ENTPD7: variants seen among roughly 807,000 people sequenced by gnomAD.
ENTPD7 encodes ectonucleoside triphosphate diphosphohydrolase 7.
ENTPD7 carries 53 observed loss-of-function variants against 77.9 expected under a neutral mutation model. That is an observed-to-expected ratio of 0.68 (90% confidence interval 0.55 to 0.85). The LOEUF (loss-of-function observed/expected upper bound fraction) is 0.85, where lower values mean the gene tolerates loss of function less well. Among genes scored for constraint, ENTPD7 ranks in the 40% least tolerant of loss-of-function variants. The pLI, the probability that ENTPD7 is intolerant of heterozygous loss-of-function variation, is 0.00. For missense variants in ENTPD7, 636 were observed against 743.7 expected (o/e 0.86, Z 1.68); for synonymous variants, 248 against 274.9 (o/e 0.90, Z 0.97).
Position 99,704,716 on chromosome 10 carries a change from C to T in ENTPD7, c.*33C>T, listed in dbSNP as rs922977439. On this transcript the variant is annotated 3_prime_UTR_variant, in exon 13 of 13. Coordinates refer to ENST00000370489, the MANE Select transcript of ENTPD7 (RefSeq NM_020354.5). The stretch of plus-strand genomic sequence containing the variant: ...CCAGGACTAGAGAAGCTTGAGCACC[C>T]CCGAGTTGCTGCTCATTGAATTCCT... 3.2e-6 allele frequency: 5 copies of T among 1,573,782 alleles called. No individual in the cohort carries two copies. The highest frequency in any genetic ancestry group is 1.8e-5 in the Admixed American group (1 of 55,720).
At chr10:99,687,263 T>C (rs113879999) in intron 6 of ENTPD7, among the ~76,000 whole-genome samples, 1 of 4,066 alleles carries the variant, frequency 2.5e-4, no homozygotes, top group African/African-American at 4.7e-4. Flanking sequence ...TTCTTTCTTT[T>C]TTTTTTTTTT....
rs2036341310 is a variant in ENTPD7, at chr10:99,710,351, T to C, written c.*5668T>C. 1.0e-6 allele frequency: 1 copy of C among 985,346 alleles called. No individual in the cohort carries two copies. Among genetic ancestry groups the C allele is most frequent in the Non-Finnish European group, 1.2e-6 (1 of 829,944 alleles). 61.0% of individuals were successfully genotyped at this position (985,346 alleles called of 1,614,324 possible). On this transcript the variant is annotated 3_prime_UTR_variant, in exon 13 of 13. Coordinates refer to ENST00000370489, the MANE Select transcript of ENTPD7 (RefSeq NM_020354.5). ...TTCTCATTCCACAATTACCCTTTAG[T>C]TGAAGTCCTGAAGTACATGCCATGT...
At chr10:99,673,059 C>T (rs1456556970) in intron 3 of ENTPD7, among the ~76,000 whole-genome samples, 1 of 152,156 alleles carries the variant, frequency 6.6e-6, no homozygotes, top group East Asian at 1.9e-4. Context: ...TTCATTGACT[C>T]AGCAGTGACT....
At position 99,685,885 on chromosome 10, in the gene ENTPD7, GA is replaced by G; in HGVS notation, c.644del (p.Lys215SerfsTer40). On this transcript the variant is annotated frameshift_variant, in exon 6 of 13. Coordinates refer to ENST00000370489, the MANE Select transcript of ENTPD7 (RefSeq NM_020354.5). LOFTEE classifies it high-confidence loss of function. ...SQSQAEVISGKQEGVYAWIGI... is the reference protein window; with the variant it reads ...SQSQAEVISGXQEGVYAWIGI... The stretch of plus-strand genomic sequence containing the variant: ...AGTCTCAAGCAGAAGTGATCTCTGG[GA>G]AGCAGGAAGGTACTGGGCCTTAAGG... The G allele has an allele frequency of 6.2e-7, 1 of 1,613,324 alleles. No homozygotes were observed. The highest frequency in any genetic ancestry group is 1.1e-5 in the South Asian group (1 of 91,018).
chr10:99,690,357 T>C (rs1191908181), intron 7 of ENTPD7, among the ~76,000 whole-genome samples: 1 of 152,218 alleles, frequency 6.6e-6, no homozygotes, highest in Non-Finnish European at 1.5e-5. Flanking sequence ...CTAGGAAATA[T>C]GTATTTTTTA....
At chr10:99,679,114 T>C (rs1041790366) in intron 3 of ENTPD7, 147 bp from the exon 4 acceptor site, 4 of 690,030 alleles carry the variant, frequency 5.8e-6, no homozygotes, top group South Asian at 4.0e-5. Flanking sequence ...TCTGTCAATA[T>C]TGCTTCACTC....
rs550405040 is a variant in ENTPD7 at position 99,676,791 on chromosome 10, C to T, written c.192-2470C>T. Among the ~76,000 whole-genome samples the T allele has an allele frequency of 5.9e-5, 9 of 152,252 alleles. No individual in the cohort carries two copies. The East Asian group carries it at 1.4e-3, about 23-fold the overall frequency. ...TGGAATCTTTAGCATTAGAAACTTT[C>T]TGTTATGTAACAGATTTTTACCATC... On this transcript the variant is annotated intron_variant, in intron 3 of 12. Transcript: ENST00000370489.
At chr10:99,696,722 T>C (rs923545148) in intron 9 of ENTPD7, among the ~76,000 whole-genome samples, 4 of 152,244 alleles carry the variant, frequency 2.6e-5, no homozygotes, top group African/African-American at 9.6e-5. Context: ...CTTTTTTGTT[T>C]TTTAAGTCTG....
chr10:99,686,991 T>A (rs892364780), intron 6 of ENTPD7, among the ~76,000 whole-genome samples: 1 of 150,020 alleles, frequency 6.7e-6, no homozygotes, highest in Non-Finnish European at 1.5e-5. Flanking sequence ...GATCTCTGCT[T>A]ACTGCAATCT....
Position 99,704,517 on chromosome 10 carries a change from A to G in ENTPD7, c.1649A>G (p.Asn550Ser). 6.2e-7 allele frequency: 1 copy of G among 1,614,092 alleles called. No homozygotes were observed. Among genetic ancestry groups the G allele is most frequent in the Non-Finnish European group, 8.5e-7 (1 of 1,180,028 alleles). ...TGGTTCCGTCTCTCCTTTGTATACAACCACTATCTCTTCTTTGCCTGTATC... is the reference window on the plus strand; with the variant it reads ...TGGTTCCGTCTCTCCTTTGTATACAGCCACTATCTCTTCTTTGCCTGTATC... ...GSWFRLSFVY[N>S]HYLFFACILV... The change falls in exon 13 of 13, where the codon AAC becomes AGC. Residue 550 changes from asparagine to serine, a missense_variant. Asn to Ser is a conservative substitution (Grantham distance 46). This residue lies in a region of ENTPD7 where 138 missense variants were observed against 150.9 expected (regional missense o/e 0.91). Coordinates refer to ENST00000370489, the MANE Select transcript of ENTPD7 (RefSeq NM_020354.5).
intron 3 of ENTPD7, among the ~76,000 whole-genome samples, chr10:99,667,908 T>G (rs2035570114): frequency 6.6e-6 from 1 of 151,676 alleles, no homozygotes; most frequent in Admixed American, 6.6e-5. Flanking sequence ...GTCTAAAAAT[T>G]TATGTTAATG....
chr10:99,687,251 C>CTT (rs1413498710), intron 6 of ENTPD7, among the ~76,000 whole-genome samples: 10 of 23,766 alleles, frequency 4.2e-4, no homozygotes, highest in Non-Finnish European at 9.1e-4. Flanking sequence ...TTCTTTCTTT[C>CTT]TTTCTTTCTT....
intron 3 of ENTPD7, among the ~76,000 whole-genome samples, chr10:99,665,653 A>G (rs960145588): frequency 3.3e-5 from 5 of 152,012 alleles, no homozygotes; most frequent in Non-Finnish European, 7.4e-5. Flanking sequence ...GCCTTCTTCT[A>G]GCAGCCCAAT....
At chr10:99,671,143 AT>A (rs1228251027) in intron 3 of ENTPD7, among the ~76,000 whole-genome samples, 1 of 152,098 alleles carries the variant, frequency 6.6e-6, no homozygotes. Context: ...GGCCTCGGAC[AT>A]TACTGTAGAA....
intron 5 of ENTPD7, among the ~76,000 whole-genome samples, chr10:99,683,857 G>GT (rs1305797845): frequency 2.2e-4 from 33 of 152,106 alleles, no homozygotes; most frequent in Admixed American, 2.0e-3. Flanking sequence ...CTATGGTATG[G>GT]TATTTCCAGT....
chr10:99,660,385 A>G, intron 2 of ENTPD7: 2 of 1,171,520 alleles, frequency 1.7e-6, no homozygotes, highest in Non-Finnish European at 1.1e-6. Flanking sequence ...TCCATACATT[A>G]TAATAACCTG....
intron 3 of ENTPD7, among the ~76,000 whole-genome samples, chr10:99,670,918 G>A (rs550152751): frequency 3.9e-5 from 6 of 152,074 alleles, no homozygotes; most frequent in East Asian, 1.9e-4. Flanking sequence ...CTTGGGTGGC[G>A]GAGGCGGGAG....
rs1389401722 is a variant in ENTPD7, at chr10:99,698,667, T to G, written c.1144T>G (p.Cys382Gly). The stretch of plus-strand genomic sequence containing the variant: ...CCGAGGAAGAGGAGACTGGGTGTCT[T>G]GTGGGGCAATGCTGAGCCCCCTGCT... ...HVRGRGDWVS[C>G]GAMLSPLLAR... The change falls in exon 10 of 13, where the codon TGT becomes GGT. Residue 382 changes from cysteine (C) to glycine (G), a missense_variant. Transcript: ENST00000370489. 4 of 1,614,132 alleles carry G rather than the reference T, an allele frequency of 2.5e-6. No homozygotes were observed. The highest frequency in any genetic ancestry group is 1.6e-4 in the Middle Eastern group (1 of 6,062).
chr10:99,676,712 A>T (rs1359814211), intron 3 of ENTPD7, among the ~76,000 whole-genome samples: 1 of 152,142 alleles, frequency 6.6e-6, no homozygotes, highest in Non-Finnish European at 1.5e-5. Flanking sequence ...TGATTGGTGG[A>T]TTCTAGCCCA....
Sources: gnomAD v4.1 joint callset for allele counts (sites outside exome capture counted in the v4.1 genomes callset) on GRCh38, gnomAD v4.1.1 for gene constraint, gnomAD v4.1.1 regional missense constraint, MANE v1.5 for transcripts, NCBI Gene and HGNC (gene_info 2026-07-23, HGNC 2026-07-21) for gene names.